Variants in COMMD1 observed in about 807,000 individuals in gnomAD.
COMMD1 encodes copper metabolism domain containing 1, also known as COMM domain-containing protein 1.
In COMMD1, 10 loss-of-function variants were observed where a neutral mutation model predicts 17.2. That is an observed-to-expected ratio of 0.58 (90% CI 0.36 to 0.99). COMMD1 has a LOEUF of 0.99. COMMD1 is among the 50% of genes least tolerant of loss of function. COMMD1 has a pLI of 0.01. For missense variants in COMMD1, 270 were observed against 231.8 expected (o/e 1.17, Z -1.07); for synonymous variants, 97 against 91.6 (o/e 1.06, Z -0.34).
chr2:61,901,979 C>T (rs937910926), upstream of COMMD1, among the ~76,000 whole-genome samples: 4 of 151,864 alleles, frequency 2.6e-5, no homozygotes, highest in East Asian at 2.0e-4. Context: ...ACTACAGGCA[C>T]GCGCCATCAC....
chr2:61,897,903 C>G (rs1017792785), intron 1 of COMMD1, among the ~76,000 whole-genome samples: 1 of 152,026 alleles, frequency 6.6e-6, no homozygotes, highest in African/African-American at 2.4e-5. Context: ...CTGTTTCATG[C>G]CTCCATATAT....
intron 2 of COMMD1, among the ~76,000 whole-genome samples, chr2:62,062,121 C>G (rs1324105246): frequency 6.6e-6 from 1 of 151,984 alleles, no homozygotes; most frequent in Non-Finnish European, 1.5e-5. Context: ...ATGATCTGGA[C>G]AAATGACATT....
intron 1 of COMMD1, among the ~76,000 whole-genome samples, chr2:61,890,515 C>T (rs1347504078): frequency 1.3e-5 from 2 of 152,056 alleles, no homozygotes; most frequent in Admixed American, 6.6e-5. Context: ...AGAGCCACCT[C>T]GCCAAGTTGT....
intron 2 of COMMD1, among the ~76,000 whole-genome samples, chr2:62,045,316 T>G (rs1670347717): frequency 1.3e-5 from 2 of 152,198 alleles, no homozygotes; most frequent in Non-Finnish European, 2.9e-5. Flanking sequence ...TCTTAGATTG[T>G]ATAGTAGTGA....
chr2:62,044,837 T>TA (rs542859899), intron 2 of COMMD1, among the ~76,000 whole-genome samples: 3,718 of 117,000 alleles, frequency 0.032, 84 homozygotes, highest in African/African-American at 0.066. Flanking sequence ...GCTCCTAACT[T>TA]AAAAAAAAAA....
At chr2:62,021,172 T>C (rs978046010) in intron 2 of COMMD1, among the ~76,000 whole-genome samples, 1 of 152,350 alleles carries the variant, frequency 6.6e-6, no homozygotes, top group African/African-American at 2.4e-5. Context: ...TAGATCGTTT[T>C]CTTGACAGTA....
intron 1 of COMMD1, among the ~76,000 whole-genome samples, chr2:61,911,560 C>T (rs1274862222): frequency 6.6e-6 from 1 of 152,216 alleles, no homozygotes; most frequent in African/African-American, 2.4e-5. Context: ...TAGCCCTGAA[C>T]TGACCACGAG....
intron 2 of COMMD1, among the ~76,000 whole-genome samples, chr2:62,084,266 T>C (rs1379209543): frequency 6.6e-6 from 1 of 152,204 alleles, no homozygotes; most frequent in African/African-American, 2.4e-5. Flanking sequence ...CTCAAAAACT[T>C]AACTACTAAT....
rs981403908 is a variant in COMMD1 at position 61,905,941 on chromosome 2, T to G, written c.180+83T>G. ...AGACTCTCCCCCCCTTGCCTTCCCC[T>G]GTCCTCACAAGCCGAAAGGCTTTTC... On this transcript the variant is annotated intron_variant, in intron 1 of 2. Transcript: ENST00000311832. The G allele has an allele frequency of 2.2e-5, 30 of 1,387,928 alleles. No individual in the cohort carries two copies. In the South Asian group the frequency reaches 3.3e-4, roughly 15 times the overall value. 86.0% of individuals were successfully genotyped at this position (1,387,928 alleles called of 1,614,324 possible).
chr2:62,097,727 C>A (rs1463000149), intron 2 of COMMD1, among the ~76,000 whole-genome samples: 2 of 152,164 alleles, frequency 1.3e-5, no homozygotes, highest in Admixed American at 6.5e-5. Flanking sequence ...GAAACCCCTA[C>A]CATTTGGACT....
chr2:62,104,045 T>G (rs1401169593), intron 2 of COMMD1, among the ~76,000 whole-genome samples: 1 of 152,182 alleles, frequency 6.6e-6, no homozygotes, highest in Non-Finnish European at 1.5e-5. Context: ...CTCACTTTGT[T>G]GCCCAGGCTG....
chr2:61,973,215 A>G (rs1558543149), intron 1 of COMMD1, among the ~76,000 whole-genome samples: 1 of 152,096 alleles, frequency 6.6e-6, no homozygotes, highest in Non-Finnish European at 1.5e-5. Context: ...TGCAATAACC[A>G]TTTTTGTACA....
intron 1 of COMMD1, among the ~76,000 whole-genome samples, chr2:61,955,691 G>C (rs1457240216): frequency 6.6e-6 from 1 of 151,970 alleles, no homozygotes; most frequent in Non-Finnish European, 1.5e-5. Flanking sequence ...GACAAGAATT[G>C]ATATTTTTTT....
At chr2:61,920,981 AT>A (rs61439372) in intron 1 of COMMD1, among the ~76,000 whole-genome samples, 73 of 141,384 alleles carry the variant, frequency 5.2e-4, no homozygotes, top group African/African-American at 1.4e-3. Context: ...ATATATATAT[AT>A]TTTTTTTTTT....
At chr2:61,992,059 A>C (rs1421885212) in intron 1 of COMMD1, among the ~76,000 whole-genome samples, 2 of 152,268 alleles carry the variant, frequency 1.3e-5, no homozygotes, top group Non-Finnish European at 2.9e-5. Flanking sequence ...TATATTTTAA[A>C]ATATAAATGC....
chr2:61,953,584 G>A (rs191346238), intron 1 of COMMD1, among the ~76,000 whole-genome samples: 269 of 151,846 alleles, frequency 1.8e-3, no homozygotes, highest in African/African-American at 5.4e-3. Flanking sequence ...TCCCCAGGCT[G>A]GTCTTGAACA....
chr2:61,892,874 T>A (rs1316191023), intron 1 of COMMD1, among the ~76,000 whole-genome samples: 1 of 151,758 alleles, frequency 6.6e-6, no homozygotes, highest in African/African-American at 2.4e-5. Flanking sequence ...TCGTTCTTTT[T>A]TTTTCCCCCC....
intron 2 of COMMD1, among the ~76,000 whole-genome samples, chr2:62,090,249 C>G (rs1382678979): frequency 4.0e-5 from 6 of 149,804 alleles, no homozygotes; most frequent in Admixed American, 2.7e-4. Flanking sequence ...ATTAGGCATC[C>G]AAGGTTATAG....
intron 2 of COMMD1, among the ~76,000 whole-genome samples, chr2:62,127,294 A>C (rs985808599): frequency 6.6e-6 from 1 of 152,242 alleles, no homozygotes; most frequent in Non-Finnish European, 1.5e-5. Flanking sequence ...GAAAATGGCC[A>C]TACTGCCCAA....
Sources: gnomAD v4.1 joint callset for allele counts (sites outside exome capture counted in the v4.1 genomes callset) on GRCh38, gnomAD v4.1.1 for gene constraint, MANE v1.5 for transcripts, NCBI Gene and HGNC (gene_info 2026-07-23, HGNC 2026-07-21) for gene names.